GRID2: variants seen among roughly 807,000 people sequenced by gnomAD.
GRID2 encodes glutamate receptor ionotropic, delta-2.
A neutral mutation model predicts 114.8 loss-of-function variants in GRID2; 33 were observed. The observed-to-expected ratio is 0.29, with a 90% CI of 0.22 to 0.38. The LOEUF (loss-of-function observed/expected upper bound fraction) is 0.38. Ranked by LOEUF, GRID2 falls within the 10% of genes least tolerant of loss-of-function variation. GRID2 has a pLI of 1.00. For missense variants in GRID2, 1,184 were observed against 1,257.7 expected, an observed-to-expected ratio of 0.94 and a Z score of 0.89; for synonymous variants, 505 against 449.9, an observed-to-expected ratio of 1.12 and a Z score of -1.55.
chr4:93,490,383 G>T (rs1386132040), intron 11 of GRID2, among the ~76,000 whole-genome samples: 1 of 151,818 alleles, frequency 6.6e-6, no homozygotes, highest in East Asian at 1.9e-4. Flanking sequence ...TAATTATAGG[G>T]TTGAACAGGA....
chr4:92,657,689 G>A (rs1468599297), intron 2 of GRID2, among the ~76,000 whole-genome samples: 6 of 151,528 alleles, frequency 4.0e-5, no homozygotes, highest in Non-Finnish European at 8.9e-5. Context: ...TGCTCTATTT[G>A]TTTTCCTCAG....
intron 14 of GRID2, among the ~76,000 whole-genome samples, chr4:93,709,466 G>C (rs1016159680): frequency 6.6e-6 from 1 of 152,072 alleles, no homozygotes; most frequent in Non-Finnish European, 1.5e-5. Context: ...GAGGTCATTT[G>C]TATGTTATTT....
chr4:92,811,047 T>G (rs950706131), intron 2 of GRID2, among the ~76,000 whole-genome samples: 1 of 152,112 alleles, frequency 6.6e-6, no homozygotes, highest in Non-Finnish European at 1.5e-5. Context: ...CCTTCCAAAG[T>G]GCTGGAACTA....
intron 2 of GRID2, among the ~76,000 whole-genome samples, chr4:92,682,301 C>T (rs541093981): frequency 1.3e-5 from 2 of 152,202 alleles, no homozygotes; most frequent in East Asian, 3.9e-4. Context: ...CTCCCAAATG[C>T]CCTGCCCTCT....
intron 1 of GRID2, among the ~76,000 whole-genome samples, chr4:92,561,250 C>A (rs1463340373): frequency 2.0e-5 from 3 of 152,160 alleles, no homozygotes; most frequent in Admixed American, 6.5e-5. Context: ...CTGAACATTT[C>A]TTAAACTTCT....
At chr4:93,145,160 C>G (rs1736092219) in intron 4 of GRID2, among the ~76,000 whole-genome samples, 1 of 152,130 alleles carries the variant, frequency 6.6e-6, no homozygotes, top group African/African-American at 2.4e-5. Flanking sequence ...ATCACCCACA[C>G]TTTGTAGCGC....
At chr4:93,671,940 A>C (rs918332193) in intron 14 of GRID2, among the ~76,000 whole-genome samples, 2 of 152,100 alleles carry the variant, frequency 1.3e-5, no homozygotes, top group Non-Finnish European at 2.9e-5. Context: ...CCGCCACTGC[A>C]CTCCAGCCTG....
chr4:93,804,490 A>G (rs1289672061), intron 1 of GRID2, among the ~76,000 whole-genome samples: 1 of 152,196 alleles, frequency 6.6e-6, no homozygotes, highest in Non-Finnish European at 1.5e-5. Context: ...GCATATCTAC[A>G]CATGTCTAAA....
At chr4:93,741,637 A>G (rs979413696) in intron 14 of GRID2, among the ~76,000 whole-genome samples, 2 of 152,188 alleles carry the variant, frequency 1.3e-5, no homozygotes, top group Non-Finnish European at 2.9e-5. Flanking sequence ...ATGAAATGTT[A>G]AAAGTGTTGG....
rs1279872170 is a variant in GRID2, at chr4:92,974,688, G to T, written c.245-110307G>T. On this transcript the variant is annotated intron_variant, in intron 2 of 15. Transcript: ENST00000282020. ...ATCACACACCAGAACGTGTCGCGGG[G>T]GTAGGGGGGTAGGGGAGGAATAACA... 4.0e-5 allele frequency among the ~76,000 whole-genome samples: 6 copies of T among 150,500 alleles called. No homozygotes were observed. The Admixed American group carries it at 4.0e-4, about 10-fold the overall frequency.
At chr4:93,801,895 G>A (rs936821499) in intron 1 of GRID2, among the ~76,000 whole-genome samples, 9 of 152,182 alleles carry the variant, frequency 5.9e-5, no homozygotes, top group African/African-American at 1.4e-4. Context: ...TTCAACCCAC[G>A]TTAAAAATCT....
intron 4 of GRID2, among the ~76,000 whole-genome samples, chr4:93,173,832 A>C (rs539728810): frequency 5.3e-5 from 8 of 151,998 alleles, no homozygotes; most frequent in African/African-American, 1.9e-4. Context: ...GGGTCTTGCT[A>C]TTTGCCCAGG....
At position 93,212,381 on chromosome 4, in the gene GRID2, G is replaced by C. The variant is rs141869701; in HGVS notation, c.790-4357G>C. ...TGCATTAAGTGTGCTATAATAATGA[G>C]AGGCTGTGCTAGCTCATATGGTGTA... On this transcript the variant is annotated intron_variant, in intron 5 of 15. Transcript: ENST00000282020. 3.9e-5 allele frequency among the ~76,000 whole-genome samples: 6 copies of C among 152,218 alleles called. No individual in the cohort carries two copies. In the East Asian group the frequency reaches 9.7e-4, roughly 25 times the overall value.
At chr4:92,994,413 C>T (rs1243655851) in intron 2 of GRID2, among the ~76,000 whole-genome samples, 1 of 151,986 alleles carries the variant, frequency 6.6e-6, no homozygotes, top group Non-Finnish European at 1.5e-5. Flanking sequence ...AGTGCAACGG[C>T]GGGATCTTGG....
chr4:92,767,103 C>T (rs1019015057), intron 2 of GRID2, among the ~76,000 whole-genome samples: 2 of 152,148 alleles, frequency 1.3e-5, no homozygotes, highest in East Asian at 1.9e-4. Flanking sequence ...CAATCTCACC[C>T]TTTTAAAGCA....
rs1437909657 is a variant in GRID2 at position 92,303,989 on chromosome 4, C to T, written c.-668C>T. On this transcript the variant is annotated 5_prime_UTR_variant, in exon 1 of 16. Coordinates refer to ENST00000282020, the MANE Select transcript of GRID2 (RefSeq NM_001510.4). ...GCAAACCGGCTCCCCGGGCCCGCCTCGCCAAGCTGCGTTCCGCGCCTCACG... is the reference window on the plus strand; with the variant it reads ...GCAAACCGGCTCCCCGGGCCCGCCTTGCCAAGCTGCGTTCCGCGCCTCACG... 6.5e-6 allele frequency: 1 copy of T among 152,966 alleles called. No homozygotes were observed. Among genetic ancestry groups the T allele is most frequent in the Non-Finnish European group, 1.5e-5 (1 of 68,636 alleles). 9.5% of individuals were successfully genotyped at this position (152,966 alleles called of 1,614,324 possible).
chr4:93,070,835 G>C (rs1358002587), intron 2 of GRID2, among the ~76,000 whole-genome samples: 1 of 152,020 alleles, frequency 6.6e-6, no homozygotes, highest in Non-Finnish European at 1.5e-5. Flanking sequence ...ACAGGCAACA[G>C]ACTGTACTTG....
chr4:93,751,197 T>C (rs1051853021), intron 14 of GRID2, among the ~76,000 whole-genome samples: 12 of 152,202 alleles, frequency 7.9e-5, no homozygotes, highest in African/African-American at 1.2e-4. Context: ...TCATGTCTGT[T>C]AACAACCTTG....
chr4:92,943,492 C>T (rs1340340924), intron 2 of GRID2, among the ~76,000 whole-genome samples: 16 of 151,850 alleles, frequency 1.1e-4, no homozygotes, highest in Non-Finnish European at 2.2e-4. Context: ...AATTTTTTTT[C>T]AAGGTTTTTA....
Sources: allele counts gnomAD v4.1 joint callset (sites outside exome capture counted in the v4.1 genomes callset), GRCh38; gene constraint gnomAD v4.1.1; transcripts MANE v1.5; gene names NCBI Gene and HGNC (gene_info 2026-07-23, HGNC 2026-07-21).